PDE11A: variants seen among roughly 807,000 people sequenced by gnomAD.
PDE11A encodes dual 3',5'-cyclic-AMP and -GMP phosphodiesterase 11A.
A neutral mutation model predicts 100.5 loss-of-function variants in PDE11A; 100 were observed. The observed-to-expected ratio is 1.00, with a 90% CI of 0.85 to 1.18. The LOEUF (loss-of-function observed/expected upper bound fraction) is 1.18, where lower values mean the gene tolerates loss of function less well. PDE11A is among the 50% of genes most tolerant of loss of function. PDE11A has a pLI of 0.00. For synonymous variants in PDE11A, 381 were observed against 420.8 expected (o/e 0.91, Z 1.16); for missense variants, 1,141 against 1,152.6 (o/e 0.99, Z 0.15).
intron 1 of PDE11A, among the ~76,000 whole-genome samples, chr2:178,052,952 C>T (rs2086847907): frequency 6.6e-6 from 1 of 152,166 alleles, no homozygotes; most frequent in Non-Finnish European, 1.5e-5. Flanking sequence ...GGAGCTGGTA[C>T]CATTCCTTCT....
intron 10 of PDE11A, among the ~76,000 whole-genome samples, chr2:177,736,959 G>C (rs938486796): frequency 5.3e-5 from 8 of 152,148 alleles, no homozygotes; most frequent in African/African-American, 1.7e-4. Flanking sequence ...CCAAGAAAGA[G>C]GCTGGGTGCG....
chr2:178,040,675 TG>T (rs1360880736), intron 1 of PDE11A, among the ~76,000 whole-genome samples: 1 of 152,214 alleles, frequency 6.6e-6, no homozygotes, highest in Non-Finnish European at 1.5e-5. Context: ...ATAGACTTAT[TG>T]ATACTAAAAT....
At chr2:177,650,082 C>T (rs895739633) in intron 19 of PDE11A, among the ~76,000 whole-genome samples, 5 of 152,092 alleles carry the variant, frequency 3.3e-5, no homozygotes, top group East Asian at 1.9e-4. Context: ...GCAATAACAT[C>T]GTATATAAAT....
intron 1 of PDE11A, among the ~76,000 whole-genome samples, chr2:178,070,382 T>C (rs2087109984): frequency 6.6e-6 from 1 of 152,178 alleles, no homozygotes; most frequent in Non-Finnish European, 1.5e-5. Flanking sequence ...TCAGATGAAA[T>C]AGATAAAATT....
intron 4 of PDE11A, among the ~76,000 whole-genome samples, chr2:177,876,268 T>A (rs2084239444): frequency 6.6e-6 from 1 of 152,146 alleles, no homozygotes; most frequent in Non-Finnish European, 1.5e-5. Flanking sequence ...TCAACAGCAA[T>A]AAGAGACCCA....
In PDE11A at chr2:178,049,142, C is replaced by G. The variant is rs2086789462; in HGVS notation, c.912+22384G>C. 2.6e-5 allele frequency among the ~76,000 whole-genome samples: 4 copies of G among 152,232 alleles called. No individual in the cohort carries two copies. In the Middle Eastern group the frequency reaches 0.014, roughly 518 times the overall value. ...TTGAATAACCAATATTTGAATGTAA[C>G]CTTAATATTCCAATATTTGAATATG... On this transcript the variant is annotated intron_variant, in intron 1 of 19. Transcript: ENST00000286063.
intron 2 of PDE11A, among the ~76,000 whole-genome samples, chr2:177,985,340 T>C (rs1469209386): frequency 2.0e-5 from 3 of 152,246 alleles, no homozygotes; most frequent in Admixed American, 1.3e-4. Flanking sequence ...TTTAGAGTTC[T>C]GAATTTTAAT....
intron 1 of PDE11A, among the ~76,000 whole-genome samples, chr2:178,030,553 G>T (rs2086532578): frequency 1.3e-5 from 2 of 151,722 alleles, no homozygotes; most frequent in Non-Finnish European, 2.9e-5. Flanking sequence ...ATATAACTTT[G>T]CTTTCAAAAT....
At chr2:178,053,743 G>A (rs182535124) in intron 1 of PDE11A, among the ~76,000 whole-genome samples, 4 of 152,174 alleles carry the variant, frequency 2.6e-5, no homozygotes, top group Non-Finnish European at 4.4e-5. Context: ...GCCACATCAT[G>A]AGTGAACTCC....
intron 12 of PDE11A, among the ~76,000 whole-genome samples, chr2:177,717,258 G>A (rs1426212706): frequency 6.6e-6 from 1 of 152,028 alleles, no homozygotes; most frequent in Admixed American, 6.6e-5. Context: ...GGAGTCATCA[G>A]GCCTGAAAAA....
chr2:177,803,307 T>TAACAACAAC (rs146272694), intron 9 of PDE11A, among the ~76,000 whole-genome samples: 40 of 151,148 alleles, frequency 2.6e-4, no homozygotes, highest in African/African-American at 9.4e-4. Context: ...AAAAATCTCC[T>TAACAACAAC]AACAACAACA....
chr2:177,944,997 G>T (rs573178945), intron 2 of PDE11A, among the ~76,000 whole-genome samples: 1 of 149,770 alleles, frequency 6.7e-6, no homozygotes, highest in Non-Finnish European at 1.5e-5. Flanking sequence ...CGCCTGACTG[G>T]TTTTGGTGGA....
chr2:178,082,816 G>A (rs1170800961), intron 2 of PDE11A, among the ~76,000 whole-genome samples: 2 of 152,178 alleles, frequency 1.3e-5, no homozygotes, highest in Admixed American at 1.3e-4. Flanking sequence ...TCCATGGTCG[G>A]TGGGGCAGCA....
chr2:177,804,106 G>C (rs892619394), intron 9 of PDE11A, among the ~76,000 whole-genome samples: 2 of 149,974 alleles, frequency 1.3e-5, no homozygotes, highest in Non-Finnish European at 3.0e-5. Context: ...AACAAAAATA[G>C]ACAAATGAGA....
chr2:178,013,192 A>AT (rs1230190238), intron 2 of PDE11A, among the ~76,000 whole-genome samples: 2 of 152,054 alleles, frequency 1.3e-5, no homozygotes, highest in Non-Finnish European at 2.9e-5. Context: ...CTTGCTGATG[A>AT]TTCTTGTCTC....
rs1231635769 is a variant in PDE11A, at chr2:177,631,546, T to TAC, written c.2647-1986_2647-1985dup. Among the ~76,000 whole-genome samples, 163 of 16,602 alleles carry TAC rather than the reference T, an allele frequency of 9.8e-3. 8 individuals carry two copies. The highest frequency in any genetic ancestry group is 0.02 in the African/African-American group (130 of 6,358). The allele number at this position is 16,602 out of a possible 152,430, so 10.9% of individuals were successfully genotyped here. On this transcript the variant is annotated intron_variant, in intron 19 of 19. Coordinates refer to ENST00000286063, the MANE Select transcript of PDE11A (RefSeq NM_016953.4). The stretch of plus-strand genomic sequence containing the variant: ...ATATATATATATATATATATATATA[T>TAC]ACACATGTATATATATATATATACA...
At chr2:177,969,680 T>C (rs1248231987) in intron 2 of PDE11A, among the ~76,000 whole-genome samples, 1 of 152,176 alleles carries the variant, frequency 6.6e-6, no homozygotes, top group African/African-American at 2.4e-5. Context: ...AATCAGATCT[T>C]AGTGACTAAA....
chr2:177,795,431 T>G (rs1022443955), intron 9 of PDE11A, among the ~76,000 whole-genome samples: 7 of 152,162 alleles, frequency 4.6e-5, no homozygotes, highest in Non-Finnish European at 8.8e-5. Flanking sequence ...AGCAGATGTT[T>G]TTGCTAGAAA....
Position 177,977,586 on chromosome 2 carries a change from T to C in PDE11A, c.1071+36716A>G, listed in dbSNP as rs1283470247. The stretch of plus-strand genomic sequence containing the variant: ...CTTTCTTCACAGAATTGGAAAAAAC[T>C]ACTTTAAAGTTCATATGGAACCAAA... On this transcript the variant is annotated intron_variant, in intron 2 of 19. Coordinates refer to ENST00000286063, the MANE Select transcript of PDE11A (RefSeq NM_016953.4). Among the ~76,000 whole-genome samples, 22 of 90,644 alleles carry C rather than the reference T, an allele frequency of 2.4e-4. 1 individual carries two copies. The East Asian group carries it at 6.9e-3, about 29-fold the overall frequency. The allele number at this position is 90,644 out of a possible 152,430, so 59.5% of individuals were successfully genotyped here.
Sources: allele counts gnomAD v4.1 joint callset (sites outside exome capture counted in the v4.1 genomes callset), GRCh38; gene constraint gnomAD v4.1.1; transcripts MANE v1.5; gene names NCBI Gene and HGNC (gene_info 2026-07-23, HGNC 2026-07-21).